Variants in CNTNAP2 observed in about 807,000 individuals in gnomAD.
The protein encoded by CNTNAP2 is contactin-associated protein-like 2.
A neutral mutation model predicts 155.2 loss-of-function variants in CNTNAP2; 98 were observed. The observed-to-expected ratio is 0.63, with a 90% CI of 0.54 to 0.75. The LOEUF (loss-of-function observed/expected upper bound fraction) is 0.75, where lower values mean the gene tolerates loss of function less well. CNTNAP2 is among the 30% of genes least tolerant of loss of function. The pLI is 0.00. For missense variants in CNTNAP2, 1,727 were observed against 1,688.1 expected (o/e 1.02, Z -0.40); for synonymous variants, 651 against 631.2 (o/e 1.03, Z -0.47).
intron 19 of CNTNAP2, among the ~76,000 whole-genome samples, chr7:148,221,273 T>C (rs945516312): frequency 6.6e-6 from 1 of 152,172 alleles, no homozygotes; most frequent in African/African-American, 2.4e-5. Flanking sequence ...GCTGCACAAC[T>C]CTATGAAGTA....
At chr7:146,760,420 T>C (rs1802075961) in intron 1 of CNTNAP2, among the ~76,000 whole-genome samples, 1 of 89,258 alleles carries the variant, frequency 1.1e-5, no homozygotes, top group Non-Finnish European at 2.4e-5. Context: ...TTTTTTTTTT[T>C]TTTTTTTTTT....
At chr7:146,712,101 ATAT>A in intron 1 of CNTNAP2, among the ~76,000 whole-genome samples, 1 of 123,582 alleles carries the variant, frequency 8.1e-6, no homozygotes, top group African/African-American at 3.0e-5. Context: ...TATAGTATAC[ATAT>A]CTTATGTATA....
chr7:147,092,046 G>A (rs1420319601), intron 4 of CNTNAP2, among the ~76,000 whole-genome samples: 3 of 152,118 alleles, frequency 2.0e-5, no homozygotes, highest in African/African-American at 7.2e-5. Flanking sequence ...GCCAACCATT[G>A]TCATTTTAAG....
At chr7:147,011,864 A>G (rs191010183) in intron 3 of CNTNAP2, among the ~76,000 whole-genome samples, 3 of 152,300 alleles carry the variant, frequency 2.0e-5, no homozygotes, top group Admixed American at 2.0e-4. Flanking sequence ...TTCAGGAGGA[A>G]GGAACACCGC....
At chr7:146,828,228 C>T (rs1803444632) in intron 2 of CNTNAP2, among the ~76,000 whole-genome samples, 1 of 151,896 alleles carries the variant, frequency 6.6e-6, no homozygotes, top group African/African-American at 2.4e-5. Context: ...TATATACAGT[C>T]AAGTGTTACT....
Position 146,566,374 on chromosome 7 carries a change from T to G in CNTNAP2, c.98-207897T>G, listed in dbSNP as rs116795923. 4.6e-3 allele frequency among the ~76,000 whole-genome samples: 697 copies of G among 152,360 alleles called. 5 individuals carry two copies. Among genetic ancestry groups the G allele is most frequent in the African/African-American group, 0.016 (650 of 41,584 alleles). ...ATAAAAGGCATCTCATAGTAATTTT[T>G]TCTTTGAAAATTATTTCTCAAATTT... is the stretch of plus-strand genomic sequence containing the variant. On this transcript the variant is annotated intron_variant, in intron 1 of 23. Coordinates refer to ENST00000361727, the MANE Select transcript of CNTNAP2 (RefSeq NM_014141.6).
intron 3 of CNTNAP2, among the ~76,000 whole-genome samples, chr7:146,901,030 G>GTAATAATAA (rs66815254): frequency 8.0e-5 from 12 of 149,616 alleles, no homozygotes; most frequent in Middle Eastern, 3.5e-3. Flanking sequence ...GATTAAAGTA[G>GTAATAATAA]TAATAATAAT....
chr7:146,623,613 G>C (rs1799370517), intron 1 of CNTNAP2, among the ~76,000 whole-genome samples: 2 of 152,070 alleles, frequency 1.3e-5, no homozygotes, highest in African/African-American at 4.8e-5. Flanking sequence ...ATATTTTTAA[G>C]TTCATTATAT....
chr7:147,431,298 T>C (rs1797462256), intron 10 of CNTNAP2, among the ~76,000 whole-genome samples: 1 of 152,196 alleles, frequency 6.6e-6, no homozygotes, highest in African/African-American at 2.4e-5. Context: ...TCTTATTCTT[T>C]CCCTCCTGTG....
rs529694823 is a variant in CNTNAP2 at position 148,258,655 on chromosome 7, G to A, written c.3382-8378G>A. Among the ~76,000 whole-genome samples, 36 of 152,270 alleles carry A rather than the reference G, an allele frequency of 2.4e-4. No homozygotes were observed. The South Asian group carries it at 4.8e-3, about 20-fold the overall frequency. Reference sequence around the variant, plus strand: ...AGGGGTGCGAGTTGAGCTGATAATTGTTTCTCCTACCTGAAGTCTATCTGC... The same window carrying A: ...AGGGGTGCGAGTTGAGCTGATAATTATTTCTCCTACCTGAAGTCTATCTGC... On this transcript the variant is annotated intron_variant, in intron 20 of 23. Coordinates refer to ENST00000361727, the MANE Select transcript of CNTNAP2 (RefSeq NM_014141.6).
At chr7:146,677,071 A>T (rs1018164847) in intron 1 of CNTNAP2, among the ~76,000 whole-genome samples, 1 of 152,176 alleles carries the variant, frequency 6.6e-6, no homozygotes, top group African/African-American at 2.4e-5. Flanking sequence ...TTGGGCTACA[A>T]CTTGGTTTTA....
At chr7:146,499,607 G>A (rs909552158) in intron 1 of CNTNAP2, among the ~76,000 whole-genome samples, 1 of 148,908 alleles carries the variant, frequency 6.7e-6, no homozygotes, top group African/African-American at 2.5e-5. Context: ...CCCACACCCC[G>A]AAGGCCCTAG....
intron 1 of CNTNAP2, among the ~76,000 whole-genome samples, chr7:146,341,837 T>C (rs1794734599): frequency 6.6e-6 from 1 of 152,198 alleles, no homozygotes; most frequent in South Asian, 2.1e-4. Context: ...TGCCCATGCC[T>C]GAATGCATTT....
intron 10 of CNTNAP2, among the ~76,000 whole-genome samples, chr7:147,400,349 G>A (rs149740251): frequency 2.0e-5 from 3 of 152,194 alleles, no homozygotes; most frequent in South Asian, 2.1e-4. Flanking sequence ...TCCTAAACTC[G>A]GAGACTCGCT....
intron 13 of CNTNAP2, among the ~76,000 whole-genome samples, chr7:147,858,321 A>T (rs1020827829): frequency 6.6e-6 from 1 of 152,122 alleles, no homozygotes; most frequent in African/African-American, 2.4e-5. Flanking sequence ...TCCTGACCTC[A>T]GGTGATCCGC....
chr7:148,171,981 T>G (rs190253971), intron 17 of CNTNAP2, among the ~76,000 whole-genome samples: 350 of 152,378 alleles, frequency 2.3e-3, no homozygotes, highest in Non-Finnish European at 3.4e-3. Context: ...CCAAAACAGC[T>G]GATATAATTT....
chr7:148,131,122 GTC>G (rs1383929028), intron 16 of CNTNAP2, among the ~76,000 whole-genome samples: 2 of 107,570 alleles, frequency 1.9e-5, no homozygotes, highest in Non-Finnish European at 3.5e-5. Flanking sequence ...TTGAGACAGA[GTC>G]TCTCTCTGTT....
At chr7:146,545,826 T>C (rs1174685434) in intron 1 of CNTNAP2, among the ~76,000 whole-genome samples, 11 of 151,988 alleles carry the variant, frequency 7.2e-5, no homozygotes, top group Non-Finnish European at 1.5e-5. Flanking sequence ...ATCCCATTAC[T>C]GGGTATATAC....
intron 1 of CNTNAP2, among the ~76,000 whole-genome samples, chr7:146,587,992 C>A (rs1798721281): frequency 7.4e-6 from 1 of 135,518 alleles, no homozygotes; most frequent in Admixed American, 7.5e-5. Context: ...AATTTTCAAA[C>A]AAACCGTGTG....
Sources: allele counts gnomAD v4.1 joint callset (sites outside exome capture counted in the v4.1 genomes callset), GRCh38; gene constraint gnomAD v4.1.1; transcripts MANE v1.5; gene names NCBI Gene and HGNC (gene_info 2026-07-23, HGNC 2026-07-21).